NAALADL2: variants seen among roughly 807,000 people sequenced by gnomAD.
NAALADL2 encodes inactive N-acetylated-alpha-linked acidic dipeptidase-like protein 2.
In NAALADL2, 76 loss-of-function variants were observed where a neutral mutation model predicts 87.2. The ratio of observed to expected loss-of-function variants is 0.87; its 90% CI spans 0.72 to 1.05. The LOEUF (loss-of-function observed/expected upper bound fraction) is 1.05. NAALADL2 is among the 50% of genes least tolerant of loss of function. The probability of loss-of-function intolerance (pLI) is 0.00; values close to 1 mark genes in which losing one functional copy is unlikely to be tolerated. For synonymous variants in NAALADL2, 354 were observed against 331.0 expected (o/e 1.07, Z -0.75); for missense variants, 1,089 against 945.8 (o/e 1.15, Z -1.99).
At chr3:174,937,453 C>T (rs180674797) in intron 1 of NAALADL2, among the ~76,000 whole-genome samples, 1 of 152,160 alleles carries the variant, frequency 6.6e-6, no homozygotes, top group East Asian at 1.9e-4. Flanking sequence ...TCTTTCACTT[C>T]CGTCCTCTTA....
chr3:175,457,299 C>G (rs1199243046), intron 6 of NAALADL2, among the ~76,000 whole-genome samples: 1 of 152,016 alleles, frequency 6.6e-6, no homozygotes, highest in Non-Finnish European at 1.5e-5. Context: ...TCAGTTTGTC[C>G]CATCTCTGGT....
intron 1 of NAALADL2, among the ~76,000 whole-genome samples, chr3:174,544,567 C>CTTTTTTTTT (rs10575227): frequency 8.7e-5 from 10 of 115,140 alleles, no homozygotes; most frequent in South Asian, 2.9e-4. Context: ...TTTTTGTTTT[C>CTTTTTTTTT]TTTTTTTTTT....
intron 2 of NAALADL2, among the ~76,000 whole-genome samples, chr3:174,653,503 A>G (rs948066434): frequency 5.9e-5 from 9 of 152,194 alleles, no homozygotes; most frequent in African/African-American, 1.2e-4. Context: ...AGAGAAAAAC[A>G]TGTAAAATAA....
chr3:175,017,986 A>G (rs1751071467), intron 1 of NAALADL2, among the ~76,000 whole-genome samples: 1 of 152,026 alleles, frequency 6.6e-6, no homozygotes, highest in Admixed American at 6.6e-5. Context: ...CTGCAACCCC[A>G]TCCTTCACTG....
intron 11 of NAALADL2, among the ~76,000 whole-genome samples, chr3:175,730,409 T>G (rs1361538287): frequency 1.2e-4 from 10 of 81,076 alleles, no homozygotes; most frequent in African/African-American, 4.1e-4. Context: ...TATATATATA[T>G]ATATATATAT....
At chr3:175,209,894 T>G (rs1741513757) in intron 2 of NAALADL2, among the ~76,000 whole-genome samples, 1 of 150,628 alleles carries the variant, frequency 6.6e-6, no homozygotes, top group Non-Finnish European at 1.5e-5. Flanking sequence ...AAATTAAAAA[T>G]AAATAAATAA....
chr3:175,621,882 T>C (rs368561437), intron 10 of NAALADL2, among the ~76,000 whole-genome samples: 2 of 152,124 alleles, frequency 1.3e-5, no homozygotes, highest in East Asian at 3.9e-4. Context: ...TGTACCTAAG[T>C]AGACACTGGC....
intron 2 of NAALADL2, among the ~76,000 whole-genome samples, chr3:174,589,117 G>A (rs957961894): frequency 3.3e-5 from 5 of 152,244 alleles, no homozygotes; most frequent in African/African-American, 9.6e-5. Flanking sequence ...CTTGCAGTTC[G>A]ATCTCAGACT....
At chr3:174,612,696 T>G (rs997789850) in intron 2 of NAALADL2, among the ~76,000 whole-genome samples, 2 of 152,162 alleles carry the variant, frequency 1.3e-5, no homozygotes, top group African/African-American at 4.8e-5. Context: ...ATTCCTTCTC[T>G]CTGAAATCTT....
At chr3:175,765,686 C>G (rs530276654) in intron 13 of NAALADL2, among the ~76,000 whole-genome samples, 9 of 152,142 alleles carry the variant, frequency 5.9e-5, no homozygotes, top group Admixed American at 5.2e-4. Flanking sequence ...CAAGTCAAGA[C>G]CCATTGCCAG....
Position 174,947,975 on chromosome 3 carries a change from A to G in NAALADL2, c.43+88525A>G, listed in dbSNP as rs140154275. Among the ~76,000 whole-genome samples the G allele has an allele frequency of 1.8e-4, 27 of 152,214 alleles. No homozygotes were observed. The East Asian group carries it at 2.1e-3, about 12-fold the overall frequency. ...GATGTAAATATAGTTATGAACTGCT[A>G]TTTTTAACATTTTATATAATTATAT... On this transcript the variant is annotated intron_variant, in intron 1 of 13. Coordinates refer to ENST00000454872, the MANE Select transcript of NAALADL2 (RefSeq NM_207015.3).
At chr3:175,180,741 AATT>A (rs1284064493) in intron 2 of NAALADL2, among the ~76,000 whole-genome samples, 2 of 151,036 alleles carry the variant, frequency 1.3e-5, no homozygotes, top group African/African-American at 4.9e-5. Flanking sequence ...ATAATATAAT[AATT>A]ATCAATATTA....
intron 3 of NAALADL2, among the ~76,000 whole-genome samples, chr3:174,786,438 A>T (rs1716657976): frequency 7.9e-6 from 1 of 126,834 alleles, no homozygotes; most frequent in South Asian, 3.0e-4. Context: ...GTGACAGAGC[A>T]GACTCTGTCT....
chr3:175,013,773 G>T (rs933945416), intron 1 of NAALADL2, among the ~76,000 whole-genome samples: 1 of 151,934 alleles, frequency 6.6e-6, no homozygotes, highest in Non-Finnish European at 1.5e-5. Flanking sequence ...TCCTGGTCTC[G>T]TAAGACCCAG....
intron 11 of NAALADL2, among the ~76,000 whole-genome samples, chr3:175,701,366 T>A (rs1375505991): frequency 6.6e-6 from 1 of 152,184 alleles, no homozygotes. Flanking sequence ...TTGGCTTTTT[T>A]AACTGATCAT....
intron 11 of NAALADL2, among the ~76,000 whole-genome samples, chr3:175,729,639 T>G (rs1220035094): frequency 6.6e-6 from 1 of 152,216 alleles, no homozygotes; most frequent in Non-Finnish European, 1.5e-5. Context: ...TCCCTTTGCT[T>G]TGTCTATAAA....
chr3:174,788,440 C>T (rs552053035), intron 3 of NAALADL2, among the ~76,000 whole-genome samples: 2 of 152,266 alleles, frequency 1.3e-5, no homozygotes, highest in South Asian at 2.1e-4. Context: ...GCTAGAAGTA[C>T]AAAATCCAGG....
chr3:175,753,388 A>T (rs1009150916), intron 12 of NAALADL2, among the ~76,000 whole-genome samples: 5 of 151,538 alleles, frequency 3.3e-5, no homozygotes, highest in Non-Finnish European at 5.9e-5. Context: ...TTGTTATCAG[A>T]TTTTTTTTTC....
At chr3:174,748,564 T>A (rs1219474362) in intron 3 of NAALADL2, among the ~76,000 whole-genome samples, 1 of 152,152 alleles carries the variant, frequency 6.6e-6, no homozygotes, top group Non-Finnish European at 1.5e-5. Flanking sequence ...TGGTGATTTG[T>A]TACAGTAGCA....
Sources: gnomAD v4.1 joint callset for allele counts (sites outside exome capture counted in the v4.1 genomes callset) on GRCh38, gnomAD v4.1.1 for gene constraint, MANE v1.5 for transcripts, NCBI Gene and HGNC (gene_info 2026-07-23, HGNC 2026-07-21) for gene names.